Variants in NPFFR2 observed in about 807,000 individuals in gnomAD.
The protein encoded by NPFFR2 is neuropeptide FF receptor 2.
A neutral mutation model predicts 13.1 loss-of-function variants in NPFFR2; 15 were observed. The observed-to-expected ratio is 1.15, with a 90% CI of 0.77 to 1.76. The LOEUF (loss-of-function observed/expected upper bound fraction) is 1.76. Ranked by LOEUF, NPFFR2 falls within the 40% of genes most tolerant of loss-of-function variation. The pLI is 0.00. For missense variants in NPFFR2, 572 were observed against 503.5 expected (o/e 1.14, Z -1.30); for synonymous variants, 190 against 175.7 (o/e 1.08, Z -0.65).
chr4:72,117,601 G>GTTGTA (rs60396492), intron 1 of NPFFR2, among the ~76,000 whole-genome samples: 5 of 152,004 alleles, frequency 3.3e-5, no homozygotes, highest in African/African-American at 1.2e-4. Flanking sequence ...CTACTTCATT[G>GTTGTA]TTCCCCAGTT....
chr4:72,093,859 G>T (rs1720978750), intron 1 of NPFFR2, among the ~76,000 whole-genome samples: 1 of 150,140 alleles, frequency 6.7e-6, no homozygotes. Context: ...GTTCATCTTG[G>T]TTTGGATCCA....
chr4:72,147,177 TG>T lies in NPFFR2; in HGVS notation c.630del (p.Trp210CysfsTer6), dbSNP rs1560426323. ...TSPVYWCRED[W>X]PNQEMRKIYT... ...TCCAGTCTACTGGTGCCGGGAAGACTGGCCAAATCAGGAAATGAGGAAGATC... is the reference window on the plus strand; with the variant it reads ...TCCAGTCTACTGGTGCCGGGAAGACTGCCAAATCAGGAAATGAGGAAGATC... On this transcript the variant is annotated frameshift_variant, in exon 4 of 4. Coordinates refer to ENST00000308744, the MANE Select transcript of NPFFR2 (RefSeq NM_004885.3). LOFTEE classifies it low-confidence loss of function (END_TRUNC). 8 of 1,610,682 alleles carry T rather than the reference TG, an allele frequency of 5.0e-6. No homozygotes were observed. The highest frequency in any genetic ancestry group is 6.8e-6 in the Non-Finnish European group (8 of 1,178,608).
Position 72,138,064 on chromosome 4 carries a change from G to A in NPFFR2, c.353G>A (p.Cys118Tyr). 3 of 1,613,522 alleles carry A rather than the reference G, an allele frequency of 1.9e-6. No homozygotes were observed. The highest frequency in any genetic ancestry group is 2.2e-5 in the South Asian group (2 of 91,056). The change falls in exon 3 of 4, where the codon TGC becomes TAC. Residue 118 changes from cysteine to tyrosine, a missense_variant. Physicochemically the swap from Cys to Tyr is radical, Grantham distance 194 (BLOSUM62 -2). Transcript: ENST00000308744. Reference sequence around the variant, plus strand: ...GGATGGCCATTTGGAAACACGATGTGCAAGATCAGTGGATTGGTCCAGGGA... The same window carrying A: ...GGATGGCCATTTGGAAACACGATGTACAAGATCAGTGGATTGGTCCAGGGA... Reference protein sequence around the residue: ...IAGWPFGNTMCKISGLVQGIS... With the variant: ...IAGWPFGNTMYKISGLVQGIS...
At chr4:72,082,944 A>G (rs992995218) in intron 1 of NPFFR2, among the ~76,000 whole-genome samples, 1 of 151,706 alleles carries the variant, frequency 6.6e-6, no homozygotes, top group Non-Finnish European at 1.5e-5. Flanking sequence ...ATTTAACTTA[A>G]CATAATGTCC....
chr4:72,113,842 G>A (rs1368838865), intron 1 of NPFFR2, among the ~76,000 whole-genome samples: 1 of 152,084 alleles, frequency 6.6e-6, no homozygotes, highest in Non-Finnish European at 1.5e-5. Flanking sequence ...GTTTTGCTTG[G>A]TTGACTCACA....
At chr4:72,065,216 C>A (rs577476182) in intron 1 of NPFFR2, among the ~76,000 whole-genome samples, 2 of 151,890 alleles carry the variant, frequency 1.3e-5, no homozygotes, top group Admixed American at 1.3e-4. Context: ...GAAATAATTC[C>A]ATAGGCAAGT....
At chr4:72,119,716 G>A (rs539930142) in intron 1 of NPFFR2, among the ~76,000 whole-genome samples, 3 of 152,316 alleles carry the variant, frequency 2.0e-5, no homozygotes, top group Admixed American at 2.0e-4. Flanking sequence ...AGCCCTGAGA[G>A]ATTGTGCCTT....
chr4:72,125,380 C>T (rs1722010101), intron 1 of NPFFR2, among the ~76,000 whole-genome samples: 1 of 151,810 alleles, frequency 6.6e-6, no homozygotes, highest in African/African-American at 2.4e-5. Flanking sequence ...AACCTCTCAA[C>T]TATGTATATA....
At chr4:72,123,448 C>G (rs909690518) in intron 1 of NPFFR2, among the ~76,000 whole-genome samples, 1 of 152,128 alleles carries the variant, frequency 6.6e-6, no homozygotes, top group African/African-American at 2.4e-5. Flanking sequence ...CAAAACCTGG[C>G]AGAGACACAA....
intron 1 of NPFFR2, among the ~76,000 whole-genome samples, chr4:72,091,815 TG>T (rs1318554217): frequency 6.6e-6 from 1 of 152,008 alleles, no homozygotes; most frequent in Non-Finnish European, 1.5e-5. Flanking sequence ...TTGTATTTTT[TG>T]TTGTTGTTTC....
In NPFFR2 at chr4:72,148,012, G is replaced by T; in HGVS notation, c.*200G>T. ...ATCTTATGTTGTATAAAAATACGTAGAGTGACTTAGACATGTTTGCATGAA... is the reference window on the plus strand; with the variant it reads ...ATCTTATGTTGTATAAAAATACGTATAGTGACTTAGACATGTTTGCATGAA... On this transcript the variant is annotated 3_prime_UTR_variant, in exon 4 of 4. Coordinates refer to ENST00000308744, the MANE Select transcript of NPFFR2 (RefSeq NM_004885.3). The T allele has an allele frequency of 2.1e-6, 1 of 487,066 alleles. No homozygotes were observed. Among genetic ancestry groups the T allele is most frequent in the Non-Finnish European group, 3.6e-6 (1 of 279,050 alleles). The allele number at this position is 487,066 out of a possible 1,614,324, so 30.2% of individuals were successfully genotyped here.
Position 72,124,260 on chromosome 4 carries a change from A to C in NPFFR2, c.-7-4325A>C, listed in dbSNP as rs141816446. ...ACAAACCACTGCTCAAGGAACTAAGAGAGGACACAAGCAATGCCCATGGAT... is the reference window on the plus strand; with the variant it reads ...ACAAACCACTGCTCAAGGAACTAAGCGAGGACACAAGCAATGCCCATGGAT... On this transcript the variant is annotated intron_variant, in intron 1 of 3. Coordinates refer to ENST00000308744, the MANE Select transcript of NPFFR2 (RefSeq NM_004885.3). Among the ~76,000 whole-genome samples the C allele has an allele frequency of 5.1e-3, 780 of 152,150 alleles. 12 individuals are homozygous for C. The highest frequency in any genetic ancestry group is 0.018 in the African/African-American group (741 of 41,574).
intron 1 of NPFFR2, among the ~76,000 whole-genome samples, chr4:72,080,586 G>A (rs4367143): frequency 3.0e-4 from 46 of 152,180 alleles, no homozygotes; most frequent in African/African-American, 1.1e-3. Flanking sequence ...TTCTCACAGT[G>A]ACATTATGCT....
At chr4:72,053,278 C>T (rs978191159) in intron 1 of NPFFR2, among the ~76,000 whole-genome samples, 1 of 151,624 alleles carries the variant, frequency 6.6e-6, no homozygotes, top group African/African-American at 2.4e-5. Context: ...TCTCAAGCTC[C>T]CAGATCTCCA....
At chr4:72,120,093 GGGA>G (rs1412962276) in intron 1 of NPFFR2, among the ~76,000 whole-genome samples, 1 of 152,140 alleles carries the variant, frequency 6.6e-6, no homozygotes, top group Non-Finnish European at 1.5e-5. Context: ...GCTTAGTGGG[GGGA>G]GGGACGTCCA....
chr4:72,081,728 C>G (rs1720628258), intron 1 of NPFFR2, among the ~76,000 whole-genome samples: 1 of 152,052 alleles, frequency 6.6e-6, no homozygotes, highest in Non-Finnish European at 1.5e-5. Flanking sequence ...TGGGCTCAAG[C>G]AGTCCTCCCG....
intron 1 of NPFFR2, among the ~76,000 whole-genome samples, chr4:72,034,932 A>C (rs1399277096): frequency 6.6e-6 from 1 of 152,238 alleles, no homozygotes; most frequent in Non-Finnish European, 1.5e-5. Flanking sequence ...GACTTCTAAA[A>C]GTAAAGAAAT....
chr4:72,108,853 G>T (rs1721489236), intron 1 of NPFFR2, among the ~76,000 whole-genome samples: 1 of 151,922 alleles, frequency 6.6e-6, no homozygotes, highest in Admixed American at 6.6e-5. Context: ...ATGTTTATAA[G>T]GTCAAATTCA....
chr4:72,126,477 C>T lies in NPFFR2; in HGVS notation c.-7-2108C>T, dbSNP rs539378331. 6.6e-5 allele frequency among the ~76,000 whole-genome samples: 10 copies of T among 152,328 alleles called. No homozygotes were observed. In the South Asian group the frequency reaches 2.1e-3, roughly 32 times the overall value. ...AAAGAGATAACAAGCAGGCCTGAGG[C>T]TGCTACCCTTAGAAAAGCCTGCTTG... On this transcript the variant is annotated intron_variant, in intron 1 of 3. Transcript: ENST00000308744.
Sources: allele counts gnomAD v4.1 joint callset (sites outside exome capture counted in the v4.1 genomes callset), GRCh38; gene constraint gnomAD v4.1.1; transcripts MANE v1.5; gene names NCBI Gene and HGNC (gene_info 2026-07-23, HGNC 2026-07-21).